Variants in TAS2R1 observed in about 807,000 individuals in gnomAD.
TAS2R1 encodes taste 2 receptor member 1.
For missense variants in TAS2R1, 370 were observed against 353.4 expected (o/e 1.05, Z -0.38); for synonymous variants, 141 against 134.2 (o/e 1.05, Z -0.35).
intron 2 of TAS2R1, among the ~76,000 whole-genome samples, chr5:9,640,341 A>G (rs1219470526): frequency 6.6e-6 from 1 of 152,010 alleles, no homozygotes; most frequent in Non-Finnish European, 1.5e-5. Context: ...ATCATTGATC[A>G]CAGATCACCA....
intron 1 of TAS2R1, chr5:9,712,093 G>A (rs1734693938): frequency 6.6e-6 from 1 of 151,854 alleles, no homozygotes; most frequent in African/African-American, 2.4e-5. Flanking sequence ...TTCTTTGTTA[G>A]AGAATATTTT....
At chr5:9,757,366 A>G in the TAS2R1 span, among the ~76,000 whole-genome samples, 1 of 152,166 alleles carries the variant, frequency 6.6e-6, no homozygotes, top group Non-Finnish European at 1.5e-5. Context: ...TCAACCACAG[A>G]TACTGATTAC....
At chr5:9,794,487 T>A in the TAS2R1 span, among the ~76,000 whole-genome samples, 2 of 152,152 alleles carry the variant, frequency 1.3e-5, no homozygotes, top group African/African-American at 4.8e-5. Flanking sequence ...GATGAGTTAA[T>A]CAACAAATAT....
chr5:9,680,142 C>T (rs145480229), intron 1 of TAS2R1, among the ~76,000 whole-genome samples: 234 of 152,096 alleles, frequency 1.5e-3, no homozygotes, highest in African/African-American at 5.3e-3. Flanking sequence ...ATTGTGTACA[C>T]CAAAAGAGTT....
chr5:9,877,660 G>T, the TAS2R1 span, among the ~76,000 whole-genome samples: 267 of 152,272 alleles, frequency 1.8e-3, 1 homozygote, highest in South Asian at 3.5e-3. Flanking sequence ...GCTGTCTCTG[G>T]GTAAATGGTT....
chr5:9,878,792 G>T, the TAS2R1 span, among the ~76,000 whole-genome samples: 1 of 152,202 alleles, frequency 6.6e-6, no homozygotes, highest in East Asian at 1.9e-4. Context: ...AAACTGTGTG[G>T]ATGTTGTAGG....
the TAS2R1 span, among the ~76,000 whole-genome samples, chr5:9,808,017 G>A: frequency 6.6e-6 from 1 of 152,156 alleles, no homozygotes; most frequent in Non-Finnish European, 1.5e-5. Flanking sequence ...TCCTTAAAAT[G>A]TGAAAGCAGC....
upstream of TAS2R1, among the ~76,000 whole-genome samples, chr5:9,715,017 A>C (rs1561387075): frequency 6.6e-6 from 1 of 152,230 alleles, no homozygotes; most frequent in African/African-American, 2.4e-5. Flanking sequence ...ATCATGAGAG[A>C]GGGAACTAGG....
At position 9,700,443 on chromosome 5, in the gene TAS2R1, T is replaced by A. The variant is rs1367831494; in HGVS notation, c.-242+11729A>T. Among the ~76,000 whole-genome samples the A allele has an allele frequency of 2.0e-5, 3 of 152,200 alleles. No homozygotes were observed. In the East Asian group the frequency reaches 5.8e-4, roughly 29 times the overall value. On this transcript the variant is annotated intron_variant, in intron 1 of 2. Coordinates refer to the TAS2R1 transcript ENST00000506620. ...ATGCTACCCTGGAGGTGCCCTTCAC[T>A]ATCCTTGCACCCATTTTCTATTTTC...
At chr5:9,729,155 C>T in the TAS2R1 span, among the ~76,000 whole-genome samples, 4 of 152,220 alleles carry the variant, frequency 2.6e-5, no homozygotes, top group Admixed American at 2.6e-4. Context: ...CAACCCACAG[C>T]CCAGGCTGGC....
chr5:9,825,091 TG>T, the TAS2R1 span, among the ~76,000 whole-genome samples: 2 of 152,212 alleles, frequency 1.3e-5, no homozygotes, highest in South Asian at 2.1e-4. Context: ...AACCAATTGA[TG>T]AAGCTGTTTT....
At chr5:9,656,950 C>T (rs1427199705) in intron 2 of TAS2R1, among the ~76,000 whole-genome samples, 1 of 151,938 alleles carries the variant, frequency 6.6e-6, no homozygotes, top group Non-Finnish European at 1.5e-5. Context: ...TTATAAATTA[C>T]AATAAAATAT....
chr5:9,826,711 A>T, the TAS2R1 span, among the ~76,000 whole-genome samples: 1 of 152,206 alleles, frequency 6.6e-6, no homozygotes, highest in Non-Finnish European at 1.5e-5. Flanking sequence ...CTGACCTTAA[A>T]ACATATTTTT....
chr5:9,690,226 G>GC (rs1195316781), intron 1 of TAS2R1, among the ~76,000 whole-genome samples: 1 of 152,088 alleles, frequency 6.6e-6, no homozygotes, highest in African/African-American at 2.4e-5. Flanking sequence ...GAATATATAT[G>GC]CCCCCCAAAT....
chr5:9,642,335 G>A (rs1740102502), intron 2 of TAS2R1, among the ~76,000 whole-genome samples: 1 of 152,148 alleles, frequency 6.6e-6, no homozygotes, highest in African/African-American at 2.4e-5. Context: ...ACATGTGCAT[G>A]TATTAACATT....
chr5:9,821,375 T>C, the TAS2R1 span, among the ~76,000 whole-genome samples: 158 of 151,960 alleles, frequency 1.0e-3, no homozygotes, highest in African/African-American at 3.6e-3. Context: ...TGGTGAGGAG[T>C]GTCAATAAAA....
the TAS2R1 span, among the ~76,000 whole-genome samples, chr5:9,862,017 C>T: frequency 1.3e-5 from 2 of 152,130 alleles, no homozygotes; most frequent in East Asian, 1.9e-4. Context: ...CAAATCAAAC[C>T]GAGAACTGCT....
the TAS2R1 span, among the ~76,000 whole-genome samples, chr5:9,729,822 T>C: frequency 6.6e-6 from 1 of 152,190 alleles, no homozygotes; most frequent in Non-Finnish European, 1.5e-5. Context: ...CACTGAGAAG[T>C]AGAAAGCATA....
chr5:9,811,373 A>T, the TAS2R1 span, among the ~76,000 whole-genome samples: 1 of 152,196 alleles, frequency 6.6e-6, no homozygotes, highest in Non-Finnish European at 1.5e-5. Context: ...AATTTTTCTT[A>T]CATATTTTAA....
Sources: allele counts gnomAD v4.1 joint callset (sites outside exome capture counted in the v4.1 genomes callset), GRCh38; gene constraint gnomAD v4.1.1; transcripts MANE v1.5; gene names NCBI Gene and HGNC (gene_info 2026-07-23, HGNC 2026-07-21).